COMMD10: variants seen among roughly 807,000 people sequenced by gnomAD.
COMMD10 encodes the protein COMM domain-containing protein 10.
Under a neutral mutation model 28.9 loss-of-function variants are expected in COMMD10, and 33 were observed. The observed-to-expected ratio is 1.14, with a 90% CI of 0.87 to 1.53. The LOEUF is 1.53. Ranked by LOEUF, COMMD10 falls within the 40% of genes most tolerant of loss-of-function variation. COMMD10 has a pLI of 0.00. For synonymous variants in COMMD10, 110 were observed against 81.7 expected (o/e 1.35, Z -1.87); for missense variants, 310 against 233.4 (o/e 1.33, Z -2.14).
intron 5 of COMMD10, among the ~76,000 whole-genome samples, chr5:116,140,015 A>T (rs1428059770): frequency 6.6e-6 from 1 of 151,698 alleles, no homozygotes; most frequent in Non-Finnish European, 1.5e-5. Context: ...CTGCAAGTTT[A>T]TATGCTTTAA....
intron 1 of COMMD10, among the ~76,000 whole-genome samples, chr5:116,086,145 A>G (rs564969204): frequency 2.6e-5 from 4 of 152,338 alleles, no homozygotes; most frequent in African/African-American, 9.6e-5. Flanking sequence ...GAAGAGGATG[A>G]AGTAAAGTTA....
chr5:116,167,751 G>T (rs1478454272), intron 5 of COMMD10, among the ~76,000 whole-genome samples: 1 of 152,046 alleles, frequency 6.6e-6, no homozygotes, highest in Non-Finnish European at 1.5e-5. Flanking sequence ...AAGTGAAGGA[G>T]AAATAAAATC....
At chr5:116,233,430 A>C (rs998345518) in intron 5 of COMMD10, among the ~76,000 whole-genome samples, 3 of 152,180 alleles carry the variant, frequency 2.0e-5, no homozygotes, top group Non-Finnish European at 2.9e-5. Flanking sequence ...TCCCACAGAT[A>C]AGGGGGAACT....
intron 5 of COMMD10, among the ~76,000 whole-genome samples, chr5:116,203,021 T>G (rs1251353162): frequency 3.3e-5 from 5 of 151,782 alleles, no homozygotes; most frequent in African/African-American, 1.2e-4. Context: ...TGGTTTTAGG[T>G]CTAACATTTA....
chr5:116,096,438 C>T (rs897715382), intron 4 of COMMD10, among the ~76,000 whole-genome samples: 1 of 151,648 alleles, frequency 6.6e-6, no homozygotes, highest in African/African-American at 2.4e-5. Flanking sequence ...CTATACTGAT[C>T]TCTATCCTGT....
At position 116,275,085 on chromosome 5, in the gene COMMD10, A is replaced by G. The variant is rs114869293; in HGVS notation, c.511-16432A>G. Among the ~76,000 whole-genome samples the G allele has an allele frequency of 3.9e-3, 592 of 151,856 alleles. 4 individuals are homozygous for G. Among genetic ancestry groups the G allele is most frequent in the Non-Finnish European group, 6.9e-3 (466 of 67,986 alleles). ...TTCCCTCAACCCCCATTCTATCTCA[A>G]TGAATGGCCCTACCCATCTTTCACT... On this transcript the variant is annotated intron_variant, in intron 5 of 6. Coordinates refer to ENST00000274458, the MANE Select transcript of COMMD10 (RefSeq NM_016144.4).
chr5:116,177,819 G>T (rs1391622693), intron 5 of COMMD10, among the ~76,000 whole-genome samples: 1 of 151,986 alleles, frequency 6.6e-6, no homozygotes, highest in Admixed American at 6.6e-5. Context: ...GCTTTCATTT[G>T]TATATGTATC....
At chr5:116,108,736 A>AAAC (rs72492925) in intron 4 of COMMD10, among the ~76,000 whole-genome samples, 42 of 150,972 alleles carry the variant, frequency 2.8e-4, no homozygotes, top group South Asian at 6.3e-4. Context: ...GGGTATGAAA[A>AAAC]AAACAAACAA....
At position 116,143,196 on chromosome 5, in the gene COMMD10, A is replaced by G. The variant is rs545251268; in HGVS notation, c.510+9018A>G. 3.5e-4 allele frequency among the ~76,000 whole-genome samples: 53 copies of G among 150,778 alleles called. 1 individual carries two copies. Among genetic ancestry groups the G allele is most frequent in the Non-Finnish European group, 6.4e-4 (43 of 67,488 alleles). On this transcript the variant is annotated intron_variant, in intron 5 of 6. Coordinates refer to ENST00000274458, the MANE Select transcript of COMMD10 (RefSeq NM_016144.4). ...ATAACGCAATGCAAACTTCCTCCAT[A>G]TATGTGGGTGTGTGTGTAAGATTTT...
At chr5:116,087,625 T>G (rs1750150573) in intron 2 of COMMD10, 38 bp downstream of exon 2, 2 of 1,348,358 alleles carry the variant, frequency 1.5e-6, no homozygotes, top group Non-Finnish European at 2.1e-6. Flanking sequence ...GTAATCTTCC[T>G]TCTGATTTAA....
At chr5:116,256,102 C>T (rs909976212) in intron 5 of COMMD10, among the ~76,000 whole-genome samples, 2 of 151,584 alleles carry the variant, frequency 1.3e-5, no homozygotes, top group African/African-American at 4.9e-5. Flanking sequence ...TGAAAAATAT[C>T]CCACGGGTGA....
chr5:116,283,922 G>A (rs1022679183), intron 5 of COMMD10, among the ~76,000 whole-genome samples: 1 of 151,680 alleles, frequency 6.6e-6, no homozygotes, highest in African/African-American at 2.4e-5. Flanking sequence ...TTGAGCTCAG[G>A]GGTTTGAAAC....
intron 5 of COMMD10, among the ~76,000 whole-genome samples, chr5:116,173,970 G>T (rs1753421685): frequency 6.6e-6 from 1 of 151,504 alleles, no homozygotes; most frequent in Admixed American, 6.6e-5. Context: ...AGGTATTGAA[G>T]ATACAGCAGT....
At chr5:116,120,034 G>GT (rs760819688) in intron 4 of COMMD10, among the ~76,000 whole-genome samples, 5 of 152,048 alleles carry the variant, frequency 3.3e-5, no homozygotes, top group Non-Finnish European at 5.9e-5. Flanking sequence ...GATCACCATG[G>GT]TAATCAAGAT....
At chr5:116,088,636 A>G (rs1001233171) in intron 2 of COMMD10, among the ~76,000 whole-genome samples, 10 of 152,144 alleles carry the variant, frequency 6.6e-5, no homozygotes, top group African/African-American at 2.2e-4. Flanking sequence ...CCCATTTACT[A>G]CAACTTGCCA....
At chr5:116,158,087 T>C (rs978484753) in intron 5 of COMMD10, among the ~76,000 whole-genome samples, 2 of 150,690 alleles carry the variant, frequency 1.3e-5, no homozygotes, top group South Asian at 2.1e-4. Context: ...CTCCAAGGCC[T>C]TCAAGCAGAT....
chr5:116,085,193 C>A, intron 1 of COMMD10, 100 bp downstream of exon 1: 1 of 327,536 alleles, frequency 3.1e-6, no homozygotes. Context: ...GGCGCCGCGG[C>A]GGGCCCGGTT....
At chr5:116,281,280 C>G (rs1008845018) in intron 5 of COMMD10, among the ~76,000 whole-genome samples, 7 of 151,668 alleles carry the variant, frequency 4.6e-5, no homozygotes, top group Non-Finnish European at 1.0e-4. Context: ...CAGCTTTCAT[C>G]AAGTCAGACC....
chr5:116,103,611 G>A (rs1237378307), intron 4 of COMMD10, among the ~76,000 whole-genome samples: 3 of 152,180 alleles, frequency 2.0e-5, no homozygotes, highest in Admixed American at 2.0e-4. Context: ...TCTGTAGGTT[G>A]CCTATTCACT....
Sources: gnomAD v4.1 joint callset for allele counts (sites outside exome capture counted in the v4.1 genomes callset) on GRCh38, gnomAD v4.1.1 for gene constraint, MANE v1.5 for transcripts, NCBI Gene and HGNC (gene_info 2026-07-23, HGNC 2026-07-21) for gene names.